The following PGGHG variants were observed in gnomAD, a reference collection of about 807,000 sequenced individuals.
The protein encoded by PGGHG is protein-glucosylgalactosylhydroxylysine glucosidase, also known as ATH1, acid trehalase-like 1.
A neutral mutation model predicts 74.5 loss-of-function variants in PGGHG; 67 were observed. The observed-to-expected ratio is 0.90, with a 90% CI of 0.74 to 1.10. The LOEUF (loss-of-function observed/expected upper bound fraction) is 1.10, where lower values mean the gene tolerates loss of function less well. Among genes scored for constraint, PGGHG ranks in the 50% least tolerant of loss-of-function variants. The pLI, the probability that PGGHG is intolerant of heterozygous loss-of-function variation, is 0.00. For missense variants in PGGHG, 1,034 were observed against 981.5 expected (o/e 1.05, Z -0.72); for synonymous variants, 496 against 419.9 (o/e 1.18, Z -2.21).
chr11:293,323 A>G (rs773545135), intron 8 of PGGHG, 43 bp from the exon 9 acceptor site: 1 of 1,601,058 alleles, frequency 6.2e-7, no homozygotes, highest in South Asian at 1.1e-5. Context: ...CAGCAGCTGG[A>G]AGTGTAGGGG....
At chr11:290,199 G>GC in intron 2 of PGGHG, 124 bp downstream of exon 2, 4 of 1,402,218 alleles carry the variant, frequency 2.9e-6, no homozygotes, top group Non-Finnish European at 3.8e-6. Flanking sequence ...AAGACAGGAG[G>GC]CCCCAGAGGC....
At position 292,010 on chromosome 11, in the gene PGGHG, AC is replaced by A. The variant is rs773834516; in HGVS notation, c.944del (p.Pro315GlnfsTer41). ...LWMFPSILMF[H>X]PEAARAILEY... ...ATGTTCCCGAGTATCCTGATGTTCC[AC>A]CCAGAAGCCGCCAGGGCCATCCTGG... is the stretch of plus-strand genomic sequence containing the variant. On this transcript the variant is annotated frameshift_variant, in exon 5 of 14. Coordinates refer to ENST00000409548, the MANE Select transcript of PGGHG (RefSeq NM_025092.5). LOFTEE classifies it high-confidence loss of function. 38 of 1,610,052 alleles carry A rather than the reference AC, an allele frequency of 2.4e-5. No homozygotes were observed. The highest frequency in any genetic ancestry group is 2.0e-5 in the Non-Finnish European group (24 of 1,178,648).
intron 4 of PGGHG, 108 bp from the exon 5 acceptor site, chr11:291,868 G>A: frequency 6.9e-7 from 1 of 1,440,546 alleles, no homozygotes; most frequent in Non-Finnish European, 9.2e-7. Flanking sequence ...AGCCGAGGAG[G>A]AACCCAGAAG....
intron 4 of PGGHG, chr11:291,371 T>A: frequency 2.1e-6 from 1 of 476,592 alleles, no homozygotes. Context: ...CGAGAAGGGC[T>A]GCAGGTCCAG....
Position 292,674 on chromosome 11 carries a change from C to T in PGGHG, c.1155C>T (p.Thr385=), listed in dbSNP as rs1564841211. The T allele has an allele frequency of 1.2e-6, 2 of 1,613,778 alleles. No homozygotes were observed. The highest frequency in any genetic ancestry group is 2.2e-5 in the East Asian group (1 of 44,886). ...VLAFELYYHT[T]QDLQLFREAG... is the part of the protein sequence containing the mutation. ...CCTTCGAGCTGTACTACCATACCAC[C>T]CAGGTGAGGTGCTGCGTGCCCACCA... Residue 385 remains threonine (T), a synonymous_variant, in exon 6 of 14, where the codon ACC becomes ACT. Transcript: ENST00000409548.
At chr11:292,404 C>T in intron 5 of PGGHG, 142 bp from the exon 6 acceptor site, 2 of 1,123,622 alleles carry the variant, frequency 1.8e-6, no homozygotes, top group Non-Finnish European at 2.5e-6. Context: ...TGAGGACGTG[C>T]AGTGGGCCTT....
At position 290,727 on chromosome 11, in the gene PGGHG, C is replaced by A; in HGVS notation, c.520C>A (p.Gln174Lys). 1.2e-6 allele frequency: 2 copies of A among 1,606,138 alleles called. No homozygotes were observed. Among genetic ancestry groups the A allele is most frequent in the East Asian group, 4.5e-5 (2 of 44,744 alleles). The stretch of plus-strand genomic sequence containing the variant: ...CCCTGAGCAGCCCGGGGGGCCACAG[C>A]AAGAGGTACACATGCTGTGGACACC... ...LTPEQPGGPQQEVHMLWTPAP... is the reference protein window; with the variant it reads ...LTPEQPGGPQKEVHMLWTPAP... Residue 174 changes from glutamine to lysine, a missense_variant, in exon 4 of 14, where the codon CAA (glutamine) becomes AAA (lysine). Gln to Lys is a moderately conservative substitution (Grantham distance 53, BLOSUM62 1). Transcript: ENST00000409548.
chr11:294,429 C>G lies in PGGHG; in HGVS notation c.1971C>G (p.His657Gln), dbSNP rs1202111156. The G allele has an allele frequency of 2.6e-6, 4 of 1,559,308 alleles. No homozygotes were observed. In the African/African-American group the frequency reaches 6.0e-5, roughly 23 times the overall value. The change falls in exon 13 of 14, where the codon CAC becomes CAG. Residue 657 changes from histidine to glutamine, a missense_variant. By Grantham distance (24) the His-to-Gln change is conservative. Coordinates refer to ENST00000409548, the MANE Select transcript of PGGHG (RefSeq NM_025092.5). ...VTARAGPWAPHLEAELWPSQS... is the reference protein window; with the variant it reads ...VTARAGPWAPQLEAELWPSQS... ...CTCGAGCAGGGCCCTGGGCTCCTCA[C>G]CTGGAGGCTGAGCTGTGGCCATCCC...
At chr11:291,559 G>GCC in intron 4 of PGGHG, 1 of 259,216 alleles carries the variant, frequency 3.9e-6, no homozygotes, top group South Asian at 5.4e-5. Flanking sequence ...AGAGCGGAGG[G>GCC]GCATGATGGC....
rs563263694 is a variant in PGGHG, at chr11:294,146, A to G, written c.1758A>G (p.Thr586=). The G allele has an allele frequency of 2.5e-6, 4 of 1,612,772 alleles. No homozygotes were observed. The highest frequency in any genetic ancestry group is 2.2e-5 in the East Asian group (1 of 44,864). The change falls in exon 12 of 14, where the codon ACA becomes ACG. Residue 586 remains threonine, a synonymous_variant. Transcript: ENST00000409548. ...GGTCAGGCGCTGTGAACTTCCTGAC[A>G]GGCATGGGGGGCTTCCTGCAGGCGG... The part of the protein sequence containing the change: ...ADGSGAVNFL[T]GMGGFLQAVV...
Position 291,017 on chromosome 11 carries a change from C to T in PGGHG, c.810C>T (p.Pro270=). 1 of 1,612,662 alleles carries T rather than the reference C, an allele frequency of 6.2e-7. No homozygotes were observed. Among genetic ancestry groups the T allele is most frequent in the Non-Finnish European group, 8.5e-7 (1 of 1,179,908 alleles). The change falls in exon 4 of 14, where the codon CCC becomes CCT. Residue 270 remains proline (P), a synonymous_variant. Transcript: ENST00000409548. ...LYYLLSALPQ[P]KAPGYICHGL... ...ACCTGCTCAGTGCCCTGCCCCAGCC[C>T]AAGGCCCCAGGATACATCTGCCATG...
rs1246064762 is a variant in PGGHG, at chr11:293,450, A to G, written c.1428A>G (p.Val476=). The change falls in exon 9 of 14, where the codon GTA becomes GTG. Residue 476 remains valine (V), a synonymous_variant. Coordinates refer to ENST00000409548, the MANE Select transcript of PGGHG (RefSeq NM_025092.5). The part of the protein sequence containing the change: ...QWLAVADKIK[V]PFDVEQNFHP... ...TGGCGGTGGCTGACAAGATCAAGGT[A>G]CCCTTTGACGTGGAGCAGAACTTCC... 1.9e-6 allele frequency: 3 copies of G among 1,612,116 alleles called. No homozygotes were observed. The highest frequency in any genetic ancestry group is 2.7e-5 in the African/African-American group (2 of 74,996).
rs1367874031 is a variant in PGGHG, at chr11:289,756, G to C, written c.-13-48G>C. 3 of 1,505,028 alleles carry C rather than the reference G, an allele frequency of 2.0e-6. No individual in the cohort carries two copies. The highest frequency in any genetic ancestry group is 2.7e-6 in the Non-Finnish European group (3 of 1,124,302). The allele number at this position is 1,505,028 out of a possible 1,614,324, so 93.2% of individuals were successfully genotyped here. On this transcript the variant is annotated intron_variant, in intron 1 of 13. Transcript: ENST00000409548. The surrounding 1 kb of genome is among the most constrained non-coding windows in gnomAD (Gnocchi z 5.6). ...GGGGATTACAGACGGTCTCAAGAGG[G>C]AGGCCCAGCCAGTCCCGCGGCCCCT...
chr11:294,425 C>T lies in PGGHG; in HGVS notation c.1967C>T (p.Pro656Leu), dbSNP rs1321118357. ...EVTARAGPWA[P>L]HLEAELWPSQ... ...ACAGCTCGAGCAGGGCCCTGGGCTCCTCACCTGGAGGCTGAGCTGTGGCCA... is the reference window on the plus strand; with the variant it reads ...ACAGCTCGAGCAGGGCCCTGGGCTCTTCACCTGGAGGCTGAGCTGTGGCCA... The change falls in exon 13 of 14, where the codon CCT becomes CTT. Residue 656 changes from proline to leucine, a missense_variant. Transcript: ENST00000409548. The T allele has an allele frequency of 1.9e-6, 3 of 1,566,402 alleles. No homozygotes were observed. The highest frequency in any genetic ancestry group is 3.5e-5 in the Admixed American group (2 of 56,634).
Position 290,877 on chromosome 11 carries a change from AG to A in PGGHG, c.674del (p.Gly225GlufsTer16). 1.2e-6 allele frequency: 2 copies of A among 1,611,474 alleles called. No individual in the cohort carries two copies. Among genetic ancestry groups the A allele is most frequent in the Non-Finnish European group, 1.7e-6 (2 of 1,179,154 alleles). On this transcript the variant is annotated frameshift_variant, in exon 4 of 14. Transcript: ENST00000409548. LOFTEE classifies it high-confidence loss of function. Reference protein sequence around the residue: ...CLTEALQLQARGALYTAHAQA... With the variant: ...CLTEALQLQAXGALYTAHAQA... The stretch of plus-strand genomic sequence containing the variant: ...CACTGAGGCCCTGCAGCTGCAGGCC[AG>A]GGGAGCTCTGTATACGGCTCACGCA...
At position 295,191 on chromosome 11, in the gene PGGHG, G is replaced by A. The variant is rs375988660; in HGVS notation, c.*442G>A. 8 of 158,578 alleles carry A rather than the reference G, an allele frequency of 5.0e-5. No homozygotes were observed. In the East Asian group the frequency reaches 7.4e-4, roughly 15 times the overall value. 9.8% of individuals were successfully genotyped at this position (158,578 alleles called of 1,614,324 possible). On this transcript the variant is annotated 3_prime_UTR_variant, in exon 14 of 14. Transcript: ENST00000409548. ...TAAGGGGCACGAAGGACGGGGACTC[G>A]GCCCCTTCAGAATTCCTCAGGACTC...
chr11:292,625 A>G lies in PGGHG; in HGVS notation c.1106A>G (p.His369Arg). The G allele has an allele frequency of 6.2e-7, 1 of 1,613,730 alleles. No individual in the cohort carries two copies. The highest frequency in any genetic ancestry group is 2.2e-5 in the East Asian group (1 of 44,876). Residue 369 changes from histidine to arginine, a missense_variant, in exon 6 of 14, where the codon CAC becomes CGC. Physicochemically the swap from His to Arg is conservative, Grantham distance 29. Transcript: ENST00000409548. ...GACATTTACGGAGTCCAGGAGGTCCACGTCAACGGGGCCGTGGTGTTGGCC... is the reference window on the plus strand; with the variant it reads ...GACATTTACGGAGTCCAGGAGGTCCGCGTCAACGGGGCCGTGGTGTTGGCC... The part of the protein sequence containing the change: ...PEDIYGVQEV[H>R]VNGAVVLAFE...
At position 289,862 on chromosome 11, in the gene PGGHG, C is replaced by G; in HGVS notation, c.46C>G (p.Leu16Val). 2 of 1,551,164 alleles carry G rather than the reference C, an allele frequency of 1.3e-6. No homozygotes were observed. Among genetic ancestry groups the G allele is most frequent in the Non-Finnish European group, 1.7e-6 (2 of 1,146,916 alleles). ...CCCCACCACGTTTGCTGCCCACTCT[C>G]TGCCCAGTGACCCCCGTCTCTTGGC... Reference protein sequence around the residue: ...EDPTTFAAHSLPSDPRLLATV... With the variant: ...EDPTTFAAHSVPSDPRLLATV... Residue 16 changes from leucine (L) to valine (V), a missense_variant, in exon 2 of 14, where the codon CTG (leucine) becomes GTG (valine). Transcript: ENST00000409548. The surrounding 1 kb of genome is among the most constrained non-coding windows in gnomAD (Gnocchi z 5.6).
chr11:294,263 A>C lies in PGGHG; in HGVS notation c.1809-4A>C, dbSNP rs770911919. The C allele has an allele frequency of 4.6e-5, 73 of 1,600,354 alleles. No homozygotes were observed. The highest frequency in any genetic ancestry group is 6.1e-5 in the Non-Finnish European group (72 of 1,172,168). The stretch of plus-strand genomic sequence containing the variant: ...TGCCACCTCACAAGCCTCTCCTCCC[A>C]CAGGGTCACCCGAGCGGGTGTGACC... On this transcript the variant is annotated splice_polypyrimidine_tract_variant and splice_region_variant and intron_variant, in intron 12 of 13. Transcript: ENST00000409548.
Sources: gnomAD v4.1 joint callset for allele counts on GRCh38, gnomAD v4.1.1 for gene constraint, Gnocchi (gnomAD v3.1) non-coding constraint, MANE v1.5 for transcripts, NCBI Gene and HGNC (gene_info 2026-07-23, HGNC 2026-07-21) for gene names.